NYAP2: variants seen among roughly 807,000 people sequenced by gnomAD.
NYAP2 encodes the protein neuronal tyrosine-phosphorylated phosphoinositide-3-kinase adaptor 2, also known as neuronal tyrosine-phosphorylated phosphoinositide-3-kinase adapter 2.
In NYAP2, 23 loss-of-function variants were observed where a neutral mutation model predicts 50.4. The observed-to-expected ratio is 0.46, with a 90% CI of 0.33 to 0.65. The LOEUF is 0.65. NYAP2 is among the 30% of genes least tolerant of loss of function. The pLI, the probability that NYAP2 is intolerant of heterozygous loss-of-function variation, is 0.02. For synonymous variants in NYAP2, 394 were observed against 365.2 expected, an observed-to-expected ratio of 1.08 and a Z score of -0.90; for missense variants, 885 against 861.0, an observed-to-expected ratio of 1.03 and a Z score of -0.35.
chr2:225,486,392 A>T (rs1260719525), intron 3 of NYAP2, among the ~76,000 whole-genome samples: 2 of 152,138 alleles, frequency 1.3e-5, no homozygotes, highest in Non-Finnish European at 2.9e-5. Flanking sequence ...GCTATTAGTG[A>T]TTCTGTAGGA....
intron 3 of NYAP2, among the ~76,000 whole-genome samples, chr2:225,434,203 G>A (rs1000272814): frequency 1.6e-4 from 24 of 152,170 alleles, no homozygotes; most frequent in Admixed American, 1.6e-3. Context: ...AGGTAAGATT[G>A]GGAGCTGTCC....
chr2:225,614,797 T>G (rs1692958767), intron 5 of NYAP2, among the ~76,000 whole-genome samples: 1 of 152,216 alleles, frequency 6.6e-6, no homozygotes, highest in African/African-American at 2.4e-5. Context: ...TAATTAGAAT[T>G]AAGAGTTACA....
intron 4 of NYAP2, among the ~76,000 whole-genome samples, chr2:225,538,777 CTTT>C (rs370852371): frequency 1.6e-5 from 2 of 122,976 alleles, no homozygotes; most frequent in Admixed American, 1.7e-4. Flanking sequence ...CTTTTCTTTT[CTTT>C]TCTTTCTTTC....
At chr2:225,526,248 C>A (rs1481414548) in intron 4 of NYAP2, among the ~76,000 whole-genome samples, 4 of 152,260 alleles carry the variant, frequency 2.6e-5, no homozygotes, top group East Asian at 3.9e-4. Flanking sequence ...ACTTGTTAAG[C>A]AGCAATCAAA....
intron 3 of NYAP2, among the ~76,000 whole-genome samples, chr2:225,440,795 A>G (rs1689457067): frequency 6.6e-6 from 1 of 152,196 alleles, no homozygotes; most frequent in South Asian, 2.1e-4. Context: ...CAAAAGATTC[A>G]GCTCTCCTGG....
chr2:225,408,826 C>A, intron 2 of NYAP2, 38 bp from the exon 3 acceptor site: 6 of 1,214,102 alleles, frequency 4.9e-6, no homozygotes, highest in Non-Finnish European at 7.2e-6. Context: ...CTTTTTTCCC[C>A]ACCCTGGATA....
At chr2:225,698,081 G>T in the NYAP2 span, among the ~76,000 whole-genome samples, 2 of 151,844 alleles carry the variant, frequency 1.3e-5, no homozygotes, top group Admixed American at 6.6e-5. Flanking sequence ...GGGAGACTGA[G>T]GTGGGAGGAT....
At chr2:225,569,635 T>G (rs1353384267) in intron 4 of NYAP2, among the ~76,000 whole-genome samples, 1 of 152,176 alleles carries the variant, frequency 6.6e-6, no homozygotes, top group Non-Finnish European at 1.5e-5. Context: ...GGAATTCTGC[T>G]AATGGTTTTA....
intron 5 of NYAP2, among the ~76,000 whole-genome samples, chr2:225,622,576 T>TTTC (rs1305357142): frequency 1.3e-4 from 15 of 113,726 alleles, no homozygotes; most frequent in South Asian, 3.0e-4. Flanking sequence ...TCTTTCTTTC[T>TTTC]TTCTTCTTTC....
At chr2:225,499,899 C>T (rs1690574583) in intron 3 of NYAP2, among the ~76,000 whole-genome samples, 2 of 152,020 alleles carry the variant, frequency 1.3e-5, no homozygotes, top group Admixed American at 6.6e-5. Context: ...AGAAAGAATA[C>T]AAGAGATGAA....
At chr2:225,590,981 T>C (rs978818589) in intron 5 of NYAP2, among the ~76,000 whole-genome samples, 11 of 152,210 alleles carry the variant, frequency 7.2e-5, no homozygotes, top group African/African-American at 2.7e-4. Context: ...TGATAAAAGC[T>C]GCTTCAGACA....
At chr2:225,583,112 A>G in intron 5 of NYAP2, 77 bp downstream of exon 5, 5 of 1,496,032 alleles carry the variant, frequency 3.3e-6, no homozygotes, top group South Asian at 2.6e-5. Flanking sequence ...TTGTGTGCAG[A>G]TAACGCACAG....
the NYAP2 span, among the ~76,000 whole-genome samples, chr2:225,676,162 C>T: frequency 1.3e-5 from 2 of 152,042 alleles, no homozygotes; most frequent in Admixed American, 1.3e-4. Context: ...TTTAACTAGG[C>T]CCCACATCAA....
chr2:225,412,792 A>G (rs1695069370), intron 3 of NYAP2, among the ~76,000 whole-genome samples: 1 of 152,160 alleles, frequency 6.6e-6, no homozygotes, highest in South Asian at 2.1e-4. Flanking sequence ...GCGGGCTAGG[A>G]AAGTAAACCA....
chr2:225,538,531 G>A (rs1360546874), intron 4 of NYAP2, among the ~76,000 whole-genome samples: 1 of 152,148 alleles, frequency 6.6e-6, no homozygotes, highest in South Asian at 2.1e-4. Flanking sequence ...GGGATGCAGG[G>A]CACCAAGTCC....
intron 3 of NYAP2, among the ~76,000 whole-genome samples, chr2:225,470,097 A>T (rs866553704): frequency 1.4e-4 from 21 of 152,202 alleles, no homozygotes; most frequent in African/African-American, 4.8e-4. Context: ...CATCTGTCTT[A>T]TCTATTAAGC....
At chr2:225,543,569 T>G (rs1691514417) in intron 4 of NYAP2, among the ~76,000 whole-genome samples, 1 of 152,084 alleles carries the variant, frequency 6.6e-6, no homozygotes, top group Non-Finnish European at 1.5e-5. Flanking sequence ...TTTCCAAAGT[T>G]CCTCTTTTTA....
At chr2:225,447,883 C>T (rs1016292777) in intron 3 of NYAP2, among the ~76,000 whole-genome samples, 6 of 152,146 alleles carry the variant, frequency 3.9e-5, no homozygotes, top group Admixed American at 3.3e-4. Flanking sequence ...AGAGCAATTC[C>T]AAGCAGCTGT....
chr2:225,416,681 G>A (rs1372658001), intron 3 of NYAP2, among the ~76,000 whole-genome samples: 2 of 152,176 alleles, frequency 1.3e-5, no homozygotes, highest in South Asian at 2.1e-4. Context: ...GTCTTCTCAC[G>A]TACCTTTCAA....
Sources: allele counts gnomAD v4.1 joint callset (sites outside exome capture counted in the v4.1 genomes callset), GRCh38; gene constraint gnomAD v4.1.1; transcripts MANE v1.5; gene names NCBI Gene and HGNC (gene_info 2026-07-23, HGNC 2026-07-21).